JAML: variants seen among roughly 807,000 people sequenced by gnomAD.
JAML encodes junctional adhesion molecule-like.
A neutral mutation model predicts 39.3 loss-of-function variants in JAML; 25 were observed. That is an observed-to-expected ratio of 0.64 (90% CI 0.46 to 0.89). The LOEUF (loss-of-function observed/expected upper bound fraction) is 0.89, where lower values mean the gene tolerates loss of function less well. JAML is among the 40% of genes least tolerant of loss of function. The probability of loss-of-function intolerance (pLI) is 0.00; values close to 1 mark genes in which losing one functional copy is unlikely to be tolerated. For missense variants in JAML, 440 were observed against 486.9 expected (o/e 0.90, Z 0.91); for synonymous variants, 162 against 179.2 (o/e 0.90, Z 0.77).
chr11:118,212,760 T>C, intron 2 of JAML, 199 bp from the exon 3 acceptor site: 1 of 1,564,826 alleles, frequency 6.4e-7, no homozygotes, highest in South Asian at 1.2e-5. Flanking sequence ...GATTCTGCAA[T>C]CTTCATACTA....
intron 1 of JAML, among the ~76,000 whole-genome samples, chr11:118,219,067 T>G (rs1949179172): frequency 6.8e-6 from 1 of 147,210 alleles, no homozygotes. Flanking sequence ...ATCAGGATCT[T>G]CTTTTCTATT....
chr11:118,203,114 G>A, intron 6 of JAML: 1 of 525,034 alleles, frequency 1.9e-6, no homozygotes, highest in Non-Finnish European at 3.7e-6. Flanking sequence ...ATCCTTCCCT[G>A]AGCTTCTGTA....
At chr11:118,200,396 T>G (rs1948758157) in intron 7 of JAML, 78 bp downstream of exon 7, 2 of 1,538,948 alleles carry the variant, frequency 1.3e-6, no homozygotes, top group African/African-American at 2.7e-5. Context: ...TAGGGCCCTA[T>G]CACCCTGTTC....
At chr11:118,210,440 T>C (rs1484254118) in intron 4 of JAML, 47 bp downstream of exon 4, 2 of 1,591,972 alleles carry the variant, frequency 1.3e-6, no homozygotes, top group African/African-American at 2.7e-5. Flanking sequence ...CTCTTGCACA[T>C]GAAAGCTCTT....
At chr11:118,210,739 A>G (rs749066131) in intron 3 of JAML, 27 bp from the exon 4 acceptor site, 24 of 1,596,668 alleles carry the variant, frequency 1.5e-5, no homozygotes, top group Non-Finnish European at 2.1e-5. Flanking sequence ...TGTTGGAGAC[A>G]ATCAAAAGAG....
At chr11:118,195,898 C>A (rs557904794) in intron 9 of JAML, among the ~76,000 whole-genome samples, 20 of 151,276 alleles carry the variant, frequency 1.3e-4, no homozygotes, top group Non-Finnish European at 2.7e-4. Context: ...GTGGCGCGAT[C>A]TTAGCTCACT....
Position 118,207,827 on chromosome 11 carries a change from T to C in JAML, c.425-1836A>G, listed in dbSNP as rs538932711. 3.9e-5 allele frequency among the ~76,000 whole-genome samples: 6 copies of C among 152,206 alleles called. 1 individual carries two copies. Among genetic ancestry groups the C allele is most frequent in the South Asian group, 4.1e-4 (2 of 4,834 alleles). On this transcript the variant is annotated intron_variant, in intron 4 of 9. Coordinates refer to ENST00000356289, the MANE Select transcript of JAML (RefSeq NM_001098526.2). The stretch of plus-strand genomic sequence containing the variant: ...CTAACATTGCCCTAGCCTGTTTCCA[T>C]GGATTCCTCAGCTCTTGAAATTGAC...
chr11:118,208,182 GATC>G (rs774965536), intron 4 of JAML, among the ~76,000 whole-genome samples: 1 of 151,986 alleles, frequency 6.6e-6, no homozygotes, highest in Non-Finnish European at 1.5e-5. Context: ...AGTGAGCCGT[GATC>G]ATACCACTGC....
At chr11:118,203,225 A>G in intron 6 of JAML, 1 of 713,182 alleles carries the variant, frequency 1.4e-6, no homozygotes, top group South Asian at 1.5e-5. Context: ...GCAGGGCCAG[A>G]ACTAGGGTGA....
chr11:118,209,719 T>G (rs905652048), intron 4 of JAML, among the ~76,000 whole-genome samples: 5 of 151,960 alleles, frequency 3.3e-5, no homozygotes, highest in African/African-American at 1.2e-4. Context: ...ATTTTTTATT[T>G]TTTTTAGACA....
At chr11:118,220,176 T>A (rs1328565207) in intron 1 of JAML, among the ~76,000 whole-genome samples, 1 of 152,300 alleles carries the variant, frequency 6.6e-6, no homozygotes, top group African/African-American at 2.4e-5. Flanking sequence ...GCTCTGGATG[T>A]TCCCAAACTA....
intron 7 of JAML, 85 bp downstream of exon 7, chr11:118,200,389 G>A (rs745444064): frequency 1.3e-6 from 2 of 1,490,930 alleles, no homozygotes; most frequent in African/African-American, 1.4e-5. Context: ...GCATAAGTAG[G>A]GCCCTATCAC....
At position 118,194,422 on chromosome 11, in the gene JAML, G is replaced by C. The variant is rs369292539; in HGVS notation, c.1093-5C>G. On this transcript the variant is annotated splice_polypyrimidine_tract_variant and splice_region_variant and intron_variant, in intron 9 of 9. Transcript: ENST00000356289. ...CAGAGAAGGCCAAACTGGGTGCTGT[G>C]GGGGAAGGGCAGAAAGAAACAAAAC... is the stretch of plus-strand genomic sequence containing the variant. 3.0e-5 allele frequency: 48 copies of C among 1,613,128 alleles called. No individual in the cohort carries two copies. The African/African-American group carries it at 5.1e-4, about 17-fold the overall frequency.
In JAML at chr11:118,212,472, G is replaced by A; in HGVS notation, c.133C>T (p.Gln45Ter). The A allele has an allele frequency of 6.2e-7, 1 of 1,614,124 alleles. No homozygotes were observed. Among genetic ancestry groups the A allele is most frequent in the Non-Finnish European group, 8.5e-7 (1 of 1,180,026 alleles). Reference protein sequence around the residue: ...GDSALMGCVFQSTEDKCIFKI... With the variant: ...GDSALMGCVF The stretch of plus-strand genomic sequence containing the variant: ...AATATACATTTGTCTTCTGTGCTCT[G>A]GAAAACACATCCCATCAGAGCTGAA... The change falls in exon 3 of 10, where the codon CAG becomes TAG. Residue 45 changes from glutamine to a stop codon, truncating the protein, a stop_gained. Transcript: ENST00000356289. LOFTEE classifies it high-confidence loss of function.
At chr11:118,202,783 GC>G in intron 6 of JAML, 1 of 374,688 alleles carries the variant, frequency 2.7e-6, no homozygotes, top group Non-Finnish European at 5.3e-6. Flanking sequence ...ACTCCTGAAG[GC>G]CCTAGCGACA....
intron 9 of JAML, among the ~76,000 whole-genome samples, chr11:118,195,995 C>A (rs569576778): frequency 1.4e-4 from 21 of 152,032 alleles, no homozygotes; most frequent in Non-Finnish European, 2.8e-4. Flanking sequence ...CCATGCCTGG[C>A]TAATTTTTTT....
chr11:118,200,566 A>T lies in JAML; in HGVS notation c.819T>A (p.Asn273Lys). Residue 273 changes from asparagine (N) to lysine (K), a missense_variant, in exon 7 of 10, where the codon AAT becomes AAA. Physicochemically the swap from Asn to Lys is moderately conservative, Grantham distance 94. Transcript: ENST00000356289. Reference sequence around the variant, plus strand: ...CAATTCCCACAATGATCACCAACTGATTACCACCCAAGACCAGAGGCCTCA... The same window carrying T: ...CAATTCCCACAATGATCACCAACTGTTTACCACCCAAGACCAGAGGCCTCA... ...AALRPLVLGG[N>K]QLVIIVGIVC... 6.2e-7 allele frequency: 1 copy of T among 1,614,136 alleles called. No individual in the cohort carries two copies. Among genetic ancestry groups the T allele is most frequent in the Non-Finnish European group, 8.5e-7 (1 of 1,180,030 alleles).
At chr11:118,214,310 T>C (rs932068700) in intron 2 of JAML, among the ~76,000 whole-genome samples, 13 of 151,946 alleles carry the variant, frequency 8.6e-5, no homozygotes, top group African/African-American at 2.9e-4. Context: ...AGGGGAAACC[T>C]GAAGGGTAAG....
At chr11:118,195,113 C>G (rs2134637278) in intron 9 of JAML, among the ~76,000 whole-genome samples, 1 of 152,332 alleles carries the variant, frequency 6.6e-6, no homozygotes, top group South Asian at 2.1e-4. Context: ...GTTCTGCAAA[C>G]AGTGCCACCC....
Sources: gnomAD v4.1 joint callset for allele counts (sites outside exome capture counted in the v4.1 genomes callset) on GRCh38, gnomAD v4.1.1 for gene constraint, MANE v1.5 for transcripts, NCBI Gene and HGNC (gene_info 2026-07-23, HGNC 2026-07-21) for gene names.